PPM1L: variants seen among roughly 807,000 people sequenced by gnomAD.
The protein encoded by PPM1L is protein phosphatase, Mg2+/Mn2+ dependent 1L.
Under a neutral mutation model 31.4 loss-of-function variants are expected in PPM1L, and 13 were observed. That is an observed-to-expected ratio of 0.41 (90% confidence interval 0.27 to 0.66). PPM1L has a LOEUF of 0.66. Among genes scored for constraint, PPM1L ranks in the 30% least tolerant of loss-of-function variants. The pLI is 0.29. For synonymous variants in PPM1L, 184 were observed against 175.4 expected (o/e 1.05, Z -0.39); for missense variants, 326 against 453.7 (o/e 0.72, Z 2.56).
At chr3:160,860,346 C>G (rs1482072305) in intron 1 of PPM1L, among the ~76,000 whole-genome samples, 1 of 152,146 alleles carries the variant, frequency 6.6e-6, no homozygotes, top group Non-Finnish European at 1.5e-5. Flanking sequence ...CGTCCTGTTG[C>G]CACATTTATT....
rs1478951058 is a variant in PPM1L at position 161,070,280 on chromosome 3, G to A, written c.*1123G>A. The A allele has an allele frequency of 1.3e-5, 2 of 152,242 alleles. No homozygotes were observed. The highest frequency in any genetic ancestry group is 4.8e-5 in the African/African-American group (2 of 41,446). 9.4% of individuals were successfully genotyped at this position (152,242 alleles called of 1,614,324 possible). A position where few individuals can be genotyped will look rare whatever the true frequency, so the allele number is the denominator to read the frequency against. On this transcript the variant is annotated 3_prime_UTR_variant, in exon 4 of 4. Coordinates refer to ENST00000498165, the MANE Select transcript of PPM1L (RefSeq NM_139245.4). Reference sequence around the variant, plus strand: ...CAGAGTTCCCAGCTACTGCAGCTTGGGATTTGGTGGGAAACTACTGGGATA... The same window carrying A: ...CAGAGTTCCCAGCTACTGCAGCTTGAGATTTGGTGGGAAACTACTGGGATA...
At chr3:160,851,205 G>A (rs1711509982) in intron 1 of PPM1L, among the ~76,000 whole-genome samples, 1 of 152,076 alleles carries the variant, frequency 6.6e-6, no homozygotes, top group South Asian at 2.1e-4. Flanking sequence ...AAACCAGAGG[G>A]GTAGCTCCTG....
At chr3:160,917,732 A>G (rs772362146) in intron 1 of PPM1L, among the ~76,000 whole-genome samples, 1 of 152,160 alleles carries the variant, frequency 6.6e-6, no homozygotes, top group Non-Finnish European at 1.5e-5. Flanking sequence ...TAAAAAAAAC[A>G]TGATTTCAAA....
chr3:160,840,299 A>G (rs561629814), intron 1 of PPM1L, among the ~76,000 whole-genome samples: 23 of 152,286 alleles, frequency 1.5e-4, no homozygotes, highest in Admixed American at 4.6e-4. Flanking sequence ...ATTTGTGCTG[A>G]ACCCCAGTTT....
chr3:160,954,956 C>CTTCCTTCCTTCCTTCCTTCCTTTCCT (rs1553749482), intron 1 of PPM1L, among the ~76,000 whole-genome samples: 21 of 77,452 alleles, frequency 2.7e-4, no homozygotes, highest in African/African-American at 1.3e-3. Context: ...TCCTTCCTTC[C>CTTCCTTCCTTCCTTCCTTCCTTTCCT]TTCCTTTCCT....
rs186722198 is a variant in PPM1L at position 160,946,231 on chromosome 3, A to G, written c.400-15505A>G. Among the ~76,000 whole-genome samples the G allele has an allele frequency of 9.8e-5, 15 of 152,296 alleles. No individual in the cohort carries two copies. The East Asian group carries it at 2.9e-3, about 29-fold the overall frequency. On this transcript the variant is annotated intron_variant, in intron 1 of 3. Coordinates refer to ENST00000498165, the MANE Select transcript of PPM1L (RefSeq NM_139245.4). ...TAAAACTTGCCTACATAAAATATTT[A>G]TGAAACCATAGACTTTACCAAAGAG...
chr3:160,944,971 T>TGG (rs1715333715), intron 1 of PPM1L, among the ~76,000 whole-genome samples: 1 of 55,094 alleles, frequency 1.8e-5, no homozygotes, highest in African/African-American at 5.2e-5. Context: ...TAACATATAT[T>TGG]ATATATAACT....
chr3:161,014,473 A>ATT (rs66734087), intron 2 of PPM1L, among the ~76,000 whole-genome samples: 4 of 129,214 alleles, frequency 3.1e-5, no homozygotes, highest in Admixed American at 1.6e-4. Context: ...TCAAGTCAGG[A>ATT]TTTTTTTTTT....
intron 1 of PPM1L, among the ~76,000 whole-genome samples, chr3:160,793,693 A>G (rs1712165361): frequency 6.6e-6 from 1 of 152,206 alleles, no homozygotes; most frequent in Non-Finnish European, 1.5e-5. Flanking sequence ...CTGAAAAGGA[A>G]TTTGAATGAA....
intron 2 of PPM1L, among the ~76,000 whole-genome samples, chr3:161,024,594 AG>A (rs1718328731): frequency 1.3e-5 from 2 of 151,388 alleles, no homozygotes; most frequent in African/African-American, 4.9e-5. Context: ...GCTACTCGGG[AG>A]GCTGAGGCAG....
intron 1 of PPM1L, among the ~76,000 whole-genome samples, chr3:160,786,187 G>GTGTATA (rs1302285733): frequency 2.3e-4 from 9 of 39,442 alleles, no homozygotes; most frequent in Admixed American, 5.0e-4. Flanking sequence ...GTGTGTGTGT[G>GTGTATA]TATATATATA....
chr3:160,854,526 G>A (rs1397376514), intron 1 of PPM1L, among the ~76,000 whole-genome samples: 1 of 151,934 alleles, frequency 6.6e-6, no homozygotes, highest in Non-Finnish European at 1.5e-5. Flanking sequence ...GCAAAAATCG[G>A]TAGCATTTCT....
intron 1 of PPM1L, among the ~76,000 whole-genome samples, chr3:160,853,024 G>T (rs1296019841): frequency 6.6e-6 from 1 of 152,066 alleles, no homozygotes; most frequent in African/African-American, 2.4e-5. Context: ...AAGCTCTAAG[G>T]AAGCATCCAT....
rs199600814 is a variant in PPM1L, at chr3:161,009,730, C to CT, written c.574+47829dup. ...GTCCTCTTCTGTTCTCTCCAAAAAG[C>CT]TTTTTTTTTCTATTTAACTAGGAAG... On this transcript the variant is annotated intron_variant, in intron 2 of 3. Coordinates refer to ENST00000498165, the MANE Select transcript of PPM1L (RefSeq NM_139245.4). Among the ~76,000 whole-genome samples, 141 of 151,168 alleles carry CT rather than the reference C, an allele frequency of 9.3e-4. 1 individual carries two copies. The East Asian group carries it at 0.025, about 27-fold the overall frequency.
intron 1 of PPM1L, among the ~76,000 whole-genome samples, chr3:160,937,745 A>G (rs1043204991): frequency 1.3e-5 from 2 of 152,184 alleles, no homozygotes; most frequent in Admixed American, 1.3e-4. Context: ...TTTGAAGTCC[A>G]TATAGTCAAG....
intron 1 of PPM1L, among the ~76,000 whole-genome samples, chr3:160,769,884 A>AG (rs1241690425): frequency 6.6e-6 from 1 of 152,148 alleles, no homozygotes; most frequent in Non-Finnish European, 1.5e-5. Flanking sequence ...CCCATTTCGG[A>AG]GGGGGACAAC....
At chr3:160,976,569 T>G (rs1716585324) in intron 2 of PPM1L, among the ~76,000 whole-genome samples, 1 of 151,610 alleles carries the variant, frequency 6.6e-6, no homozygotes, top group Non-Finnish European at 1.5e-5. Context: ...ATTGGTCTAT[T>G]CAGAGATTCA....
intron 1 of PPM1L, among the ~76,000 whole-genome samples, chr3:160,947,535 C>A (rs1164366654): frequency 3.3e-5 from 5 of 152,104 alleles, no homozygotes; most frequent in East Asian, 1.9e-4. Flanking sequence ...TCCTTCACCC[C>A]CAACCAGGCT....
intron 1 of PPM1L, among the ~76,000 whole-genome samples, chr3:160,946,938 G>C (rs1404264345): frequency 6.6e-6 from 1 of 152,034 alleles, no homozygotes; most frequent in East Asian, 1.9e-4. Context: ...AAAATGACTG[G>C]TATAAGACAC....
Sources: gnomAD v4.1 joint callset for allele counts (sites outside exome capture counted in the v4.1 genomes callset) on GRCh38, gnomAD v4.1.1 for gene constraint, MANE v1.5 for transcripts, NCBI Gene and HGNC (gene_info 2026-07-23, HGNC 2026-07-21) for gene names.